The following LSAMP variants were observed in gnomAD, a reference collection of about 807,000 sequenced individuals.
LSAMP encodes the protein limbic system-associated membrane protein.
In LSAMP, 7 loss-of-function variants were observed where a neutral mutation model predicts 38.6. The observed-to-expected ratio is 0.18, with a 90% CI of 0.10 to 0.34. The LOEUF is 0.34. Ranked by LOEUF, LSAMP falls within the 10% of genes least tolerant of loss-of-function variation. The probability of loss-of-function intolerance (pLI) is 1.00; values close to 1 mark genes in which losing one functional copy is unlikely to be tolerated. For missense variants in LSAMP, 313 were observed against 420.0 expected, an observed-to-expected ratio of 0.75 and a Z score of 2.23; for synonymous variants, 154 against 166.8, an observed-to-expected ratio of 0.92 and a Z score of 0.59.
chr3:116,181,999 C>G (rs1214516430), intron 1 of LSAMP, among the ~76,000 whole-genome samples: 3 of 151,850 alleles, frequency 2.0e-5, no homozygotes, highest in East Asian at 1.9e-4. Flanking sequence ...AACTTAAAGA[C>G]AAAAAGACAC....
chr3:115,850,726 C>G (rs769391421), intron 4 of LSAMP, among the ~76,000 whole-genome samples: 5 of 152,176 alleles, frequency 3.3e-5, no homozygotes, highest in Non-Finnish European at 5.9e-5. Flanking sequence ...ATAGCAGAGT[C>G]ATTTGTTTCT....
intron 1 of LSAMP, among the ~76,000 whole-genome samples, chr3:116,209,114 T>A (rs1299518607): frequency 1.3e-5 from 2 of 152,218 alleles, no homozygotes; most frequent in African/African-American, 4.8e-5. Context: ...GTGCCGTTTT[T>A]TAAGCCGGTC....
At position 115,807,432 on chromosome 3, in the gene LSAMP, A is replaced by T. The variant is rs964383982; in HGVS notation, c.*2885T>A. The T allele has an allele frequency of 9.2e-5, 14 of 152,176 alleles. No individual in the cohort carries two copies. The highest frequency in any genetic ancestry group is 2.6e-4 in the Admixed American group (4 of 15,280). 9.4% of individuals were successfully genotyped at this position (152,176 alleles called of 1,614,324 possible). A position where few individuals can be genotyped will look rare whatever the true frequency, so the allele number is the denominator to read the frequency against. On this transcript the variant is annotated 3_prime_UTR_variant, in exon 7 of 7. Coordinates refer to ENST00000490035, the MANE Select transcript of LSAMP (RefSeq NM_002338.5). The stretch of plus-strand genomic sequence containing the variant: ...TTATGTTTAATATATGGTCCATTAT[A>T]TTAAAACTGAGGGAACAAACGGTGC...
chr3:116,237,817 A>C (rs2046485123), intron 1 of LSAMP, among the ~76,000 whole-genome samples: 1 of 152,208 alleles, frequency 6.6e-6, no homozygotes, highest in Non-Finnish European at 1.5e-5. Flanking sequence ...ACATTAACTA[A>C]GTTCTCATGC....
At chr3:116,243,091 T>C (rs2046559776) in intron 1 of LSAMP, among the ~76,000 whole-genome samples, 1 of 152,162 alleles carries the variant, frequency 6.6e-6, no homozygotes, top group Non-Finnish European at 1.5e-5. Context: ...ACTTCTACTC[T>C]CTAGTTAGAA....
At chr3:116,208,802 G>A (rs1011346750) in intron 1 of LSAMP, among the ~76,000 whole-genome samples, 1 of 152,190 alleles carries the variant, frequency 6.6e-6, no homozygotes, top group Non-Finnish European at 1.5e-5. Context: ...GCTCTCTTCA[G>A]AGCTGTCAGA....
At chr3:115,870,230 T>C (rs900591330) in intron 3 of LSAMP, among the ~76,000 whole-genome samples, 1 of 152,128 alleles carries the variant, frequency 6.6e-6, no homozygotes, top group African/African-American at 2.4e-5. Context: ...ACCTTGTTTT[T>C]CATGGAAAAG....
chr3:115,997,253 C>T (rs939244949), intron 3 of LSAMP, among the ~76,000 whole-genome samples: 2 of 152,102 alleles, frequency 1.3e-5, no homozygotes, highest in Middle Eastern at 3.4e-3. Flanking sequence ...GCCCTGGTCA[C>T]CCTTCTATAG....
At chr3:116,206,637 A>G (rs1284055732) in intron 1 of LSAMP, among the ~76,000 whole-genome samples, 1 of 150,462 alleles carries the variant, frequency 6.6e-6, no homozygotes, top group Admixed American at 6.6e-5. Context: ...GAACATCTTT[A>G]TTTCTGCCTT....
chr3:116,247,938 T>A (rs2046625082), intron 1 of LSAMP, among the ~76,000 whole-genome samples: 1 of 152,198 alleles, frequency 6.6e-6, no homozygotes. Flanking sequence ...TCAGATCATG[T>A]CAGGTTTAAG....
intron 1 of LSAMP, among the ~76,000 whole-genome samples, chr3:116,120,752 A>G (rs1576375696): frequency 6.6e-6 from 1 of 152,200 alleles, no homozygotes; most frequent in African/African-American, 2.4e-5. Flanking sequence ...AAAACTCCTT[A>G]TAATAAATAC....
intron 1 of LSAMP, among the ~76,000 whole-genome samples, chr3:116,392,619 A>G (rs7630466): frequency 0.16 from 23,701 of 152,184 alleles, 2,143 homozygotes; most frequent in African/African-American, 0.25. Context: ...GGGTGGAACC[A>G]GGTGGGTCCC....
intron 1 of LSAMP, among the ~76,000 whole-genome samples, chr3:116,104,588 T>C (rs1274078333): frequency 6.6e-6 from 1 of 152,128 alleles, no homozygotes; most frequent in Non-Finnish European, 1.5e-5. Context: ...GCCGAAATCA[T>C]CCATTTTAAA....
chr3:116,323,568 A>G (rs1186406157), intron 1 of LSAMP, among the ~76,000 whole-genome samples: 2 of 152,124 alleles, frequency 1.3e-5, no homozygotes, highest in Admixed American at 6.5e-5. Context: ...ATTTCTGTAC[A>G]TAGATGAATT....
At chr3:116,410,971 T>C (rs1559858721) in intron 1 of LSAMP, among the ~76,000 whole-genome samples, 1 of 152,094 alleles carries the variant, frequency 6.6e-6, no homozygotes, top group Non-Finnish European at 1.5e-5. Flanking sequence ...GTGGTTTGAA[T>C]GTTCCCTGCA....
chr3:116,355,215 A>T (rs956294410), intron 1 of LSAMP, among the ~76,000 whole-genome samples: 2 of 152,186 alleles, frequency 1.3e-5, no homozygotes, highest in Non-Finnish European at 2.9e-5. Context: ...CAATTTATAC[A>T]GTCTGCTTCA....
At chr3:115,857,885 G>T (rs1935556812) in intron 3 of LSAMP, among the ~76,000 whole-genome samples, 1 of 152,204 alleles carries the variant, frequency 6.6e-6, no homozygotes, top group Admixed American at 6.5e-5. Context: ...GTTCCCCAAT[G>T]TGGAGGCAAA....
intron 1 of LSAMP, among the ~76,000 whole-genome samples, chr3:116,330,306 G>A (rs1480717379): frequency 6.6e-6 from 1 of 152,064 alleles, no homozygotes; most frequent in Non-Finnish European, 1.5e-5. Flanking sequence ...CCCACATTCC[G>A]AGCTCTGTGG....
At chr3:115,928,977 T>G (rs4321526) in intron 3 of LSAMP, among the ~76,000 whole-genome samples, 12,720 of 126,160 alleles carry the variant, frequency 0.1, 827 homozygotes, top group Non-Finnish European at 0.14. Context: ...TTGTTTGTTT[T>G]TTTTTTTTTT....
Sources: gnomAD v4.1 joint callset for allele counts (sites outside exome capture counted in the v4.1 genomes callset) on GRCh38, gnomAD v4.1.1 for gene constraint, MANE v1.5 for transcripts, NCBI Gene and HGNC (gene_info 2026-07-23, HGNC 2026-07-21) for gene names.